The following AUTS2 variants were observed in gnomAD, a reference collection of about 807,000 sequenced individuals.
AUTS2 encodes autism susceptibility gene 2 protein.
Under a neutral mutation model 112.4 loss-of-function variants are expected in AUTS2, and 17 were observed. The observed-to-expected ratio is 0.15, with a 90% CI of 0.10 to 0.23. The LOEUF (loss-of-function observed/expected upper bound fraction) is 0.23. Among genes scored for constraint, AUTS2 ranks in the 10% least tolerant of loss-of-function variants. The pLI is 1.00. For synonymous variants in AUTS2, 751 were observed against 702.7 expected (o/e 1.07, Z -1.09); for missense variants, 1,510 against 1,701.6 (o/e 0.89, Z 1.98).
At chr7:69,723,328 A>G (rs1446508105) in intron 1 of AUTS2, among the ~76,000 whole-genome samples, 1 of 152,144 alleles carries the variant, frequency 6.6e-6, no homozygotes, top group East Asian at 1.9e-4. Context: ...AGAAGGAGGA[A>G]AGAAATGTAT....
chr7:70,419,487 A>G (rs1233455176), intron 4 of AUTS2, among the ~76,000 whole-genome samples: 1 of 152,130 alleles, frequency 6.6e-6, no homozygotes, highest in Non-Finnish European at 1.5e-5. Flanking sequence ...ATATATGAAG[A>G]GTCTATCTTA....
At chr7:69,764,948 C>CTTTCTCCCTTTCT (rs558070292) in intron 1 of AUTS2, among the ~76,000 whole-genome samples, 132 of 152,320 alleles carry the variant, frequency 8.7e-4, no homozygotes, top group African/African-American at 3.0e-3. Context: ...ACACAACAGT[C>CTTTCTCCCTTTCT]TTTCTCCCTT....
intron 4 of AUTS2, among the ~76,000 whole-genome samples, chr7:70,282,740 A>G (rs957841606): frequency 6.6e-6 from 1 of 152,222 alleles, no homozygotes; most frequent in Non-Finnish European, 1.5e-5. Flanking sequence ...CACACTTGCC[A>G]TATTTAGCTG....
chr7:70,645,301 T>A lies in AUTS2; in HGVS notation c.691-53268T>A, dbSNP rs192893703. Among the ~76,000 whole-genome samples, 531 of 144,814 alleles carry A rather than the reference T, an allele frequency of 3.7e-3. 3 individuals are homozygous for A. The highest frequency in any genetic ancestry group is 5.0e-3 in the Non-Finnish European group (332 of 66,956). On this transcript the variant is annotated intron_variant, in intron 5 of 18. Transcript: ENST00000342771. Reference sequence around the variant, plus strand: ...TCTAAAACTCTGCAGAGTCCCTGGATCTCCCCAGACCCCTCTCTTCCCTCA... The same window carrying A: ...TCTAAAACTCTGCAGAGTCCCTGGAACTCCCCAGACCCCTCTCTTCCCTCA...
At position 70,127,792 on chromosome 7, in the gene AUTS2, C is replaced by T. The variant is rs148190929; in HGVS notation, c.625-6744C>T. 1.5e-3 allele frequency among the ~76,000 whole-genome samples: 229 copies of T among 152,246 alleles called. 1 individual carries two copies. Among genetic ancestry groups the T allele is most frequent in the African/African-American group, 4.7e-3 (194 of 41,546 alleles). ...ATTTACAGTTGAGACATTTTTTCTGCTTCCTTTTGAGATACCCCTTCTCCT... is the reference window on the plus strand; with the variant it reads ...ATTTACAGTTGAGACATTTTTTCTGTTTCCTTTTGAGATACCCCTTCTCCT... On this transcript the variant is annotated intron_variant, in intron 3 of 18. Transcript: ENST00000342771.
At chr7:70,692,363 G>A (rs1210377149) in intron 5 of AUTS2, among the ~76,000 whole-genome samples, 1 of 152,146 alleles carries the variant, frequency 6.6e-6, no homozygotes, top group Non-Finnish European at 1.5e-5. Flanking sequence ...AACAAGATAA[G>A]AAAACTGTTC....
intron 6 of AUTS2, among the ~76,000 whole-genome samples, chr7:70,731,518 C>T (rs773681890): frequency 1.3e-5 from 2 of 148,350 alleles, no homozygotes; most frequent in South Asian, 2.2e-4. Context: ...CAAGCTCTGC[C>T]TCCCGGGTTC....
chr7:70,321,097 A>G (rs1790232201), intron 4 of AUTS2, among the ~76,000 whole-genome samples: 1 of 152,234 alleles, frequency 6.6e-6, no homozygotes, highest in Non-Finnish European at 1.5e-5. Flanking sequence ...CACCCATGTT[A>G]TCATGTTTAA....
chr7:69,726,924 C>T (rs1198852893), intron 1 of AUTS2, among the ~76,000 whole-genome samples: 1 of 152,106 alleles, frequency 6.6e-6, no homozygotes, highest in Non-Finnish European at 1.5e-5. Context: ...AAGTCCCTTG[C>T]CAGATATACA....
intron 4 of AUTS2, among the ~76,000 whole-genome samples, chr7:70,399,398 T>G (rs921914638): frequency 1.3e-5 from 2 of 152,146 alleles, no homozygotes; most frequent in Non-Finnish European, 2.9e-5. Context: ...TTTTTTTTGC[T>G]TATGGGTTTG....
chr7:70,665,405 A>C (rs1277652096), intron 5 of AUTS2, among the ~76,000 whole-genome samples: 2 of 152,004 alleles, frequency 1.3e-5, no homozygotes, highest in African/African-American at 4.8e-5. Context: ...CCGAGACTAC[A>C]GGCACACATC....
At chr7:70,565,974 G>A (rs1801691965) in intron 5 of AUTS2, among the ~76,000 whole-genome samples, 1 of 152,186 alleles carries the variant, frequency 6.6e-6, no homozygotes. Context: ...GTATGGAGCT[G>A]CTTTAATTTA....
At chr7:70,223,852 GT>G (rs34236397) in intron 4 of AUTS2, among the ~76,000 whole-genome samples, 116 of 131,870 alleles carry the variant, frequency 8.8e-4, no homozygotes, top group East Asian at 3.3e-3. Context: ...TTGTATCTTT[GT>G]TTTTTTTTTT....
At chr7:70,643,535 C>T (rs1805972571) in intron 5 of AUTS2, among the ~76,000 whole-genome samples, 1 of 152,128 alleles carries the variant, frequency 6.6e-6, no homozygotes, top group African/African-American at 2.4e-5. Flanking sequence ...TACGCCACTG[C>T]ACTCCAGTCT....
chr7:70,125,174 T>G (rs1306750114), intron 3 of AUTS2, among the ~76,000 whole-genome samples: 4 of 152,090 alleles, frequency 2.6e-5, no homozygotes, highest in African/African-American at 7.2e-5. Context: ...AAAATTTTCC[T>G]TGTTGGGTAC....
intron 1 of AUTS2, among the ~76,000 whole-genome samples, chr7:69,706,783 T>C (rs1798077291): frequency 1.3e-5 from 2 of 152,226 alleles, no homozygotes; most frequent in Admixed American, 1.3e-4. Flanking sequence ...GGTGTGCAGC[T>C]GAACTGAGCC....
intron 1 of AUTS2, among the ~76,000 whole-genome samples, chr7:69,656,123 C>T (rs1584018694): frequency 6.6e-6 from 1 of 152,344 alleles, no homozygotes; most frequent in East Asian, 1.9e-4. Context: ...GCTATCTTGG[C>T]AGATGGGATT....
At chr7:69,977,433 T>G (rs926735134) in intron 2 of AUTS2, among the ~76,000 whole-genome samples, 4 of 152,194 alleles carry the variant, frequency 2.6e-5, no homozygotes, top group African/African-American at 9.6e-5. Context: ...CCTTTGAGAT[T>G]ACATATGAAT....
At chr7:69,776,803 C>T (rs1264773393) in intron 1 of AUTS2, among the ~76,000 whole-genome samples, 5 of 152,038 alleles carry the variant, frequency 3.3e-5, no homozygotes, top group Admixed American at 2.0e-4. Flanking sequence ...TATTGGGAAA[C>T]CTCTAAGAAT....
Sources: gnomAD v4.1 joint callset for allele counts (sites outside exome capture counted in the v4.1 genomes callset) on GRCh38, gnomAD v4.1.1 for gene constraint, MANE v1.5 for transcripts, NCBI Gene and HGNC (gene_info 2026-07-23, HGNC 2026-07-21) for gene names.